FGF1: variants seen among roughly 807,000 people sequenced by gnomAD.
FGF1 encodes beta-endothelial cell growth factor.
In FGF1, 9 loss-of-function variants were observed where a neutral mutation model predicts 13.4. That is an observed-to-expected ratio of 0.67 (90% confidence interval 0.40 to 1.17). FGF1 has a LOEUF of 1.17. Ranked by LOEUF, FGF1 falls within the 50% of genes most tolerant of loss-of-function variation. The probability of loss-of-function intolerance (pLI) is 0.01; values close to 1 mark genes in which losing one functional copy is unlikely to be tolerated. For synonymous variants in FGF1, 93 were observed against 79.0 expected (o/e 1.18, Z -0.94); for missense variants, 156 against 192.7 (o/e 0.81, Z 1.13).
intron 2 of FGF1, among the ~76,000 whole-genome samples, chr5:142,693,583 G>C (rs1752586601): frequency 6.6e-6 from 1 of 152,166 alleles, no homozygotes; most frequent in Non-Finnish European, 1.5e-5. Context: ...GTACAATTAA[G>C]TGGTTTTGGT....
intron 1 of FGF1, among the ~76,000 whole-genome samples, chr5:142,650,736 A>G (rs555036806): frequency 6.6e-6 from 1 of 152,172 alleles, no homozygotes; most frequent in South Asian, 2.1e-4. Context: ...GCAGTAGTTA[A>G]AGTAGCTGGA....
intron 1 of FGF1, among the ~76,000 whole-genome samples, chr5:142,634,431 C>T (rs1763919861): frequency 6.6e-6 from 1 of 152,212 alleles, no homozygotes; most frequent in Non-Finnish European, 1.5e-5. Context: ...TGAATTCTTG[C>T]TCACTTAGCA....
intron 1 of FGF1, among the ~76,000 whole-genome samples, chr5:142,645,328 G>A (rs1478247848): frequency 5.3e-5 from 8 of 152,114 alleles, no homozygotes; most frequent in East Asian, 1.9e-4. Flanking sequence ...CTCATCACAC[G>A]GCACCTCACT....
chr5:142,695,317 G>A (rs1435546849), intron 2 of FGF1, among the ~76,000 whole-genome samples: 1 of 152,190 alleles, frequency 6.6e-6, no homozygotes, highest in Non-Finnish European at 1.5e-5. Flanking sequence ...GCTTATGCCT[G>A]TAATCCCAGC....
intron 1 of FGF1, among the ~76,000 whole-genome samples, chr5:142,618,519 C>T (rs1279513388): frequency 4.6e-5 from 7 of 152,136 alleles, no homozygotes; most frequent in Non-Finnish European, 8.8e-5. Context: ...ATGTTGAACT[C>T]GTTGGAGCCT....
chr5:142,614,468 G>C lies in FGF1; in HGVS notation c.-34-307C>G, dbSNP rs962500297. Among the ~76,000 whole-genome samples, 8 of 152,188 alleles carry C rather than the reference G, an allele frequency of 5.3e-5. No homozygotes were observed. The East Asian group carries it at 1.5e-3, about 29-fold the overall frequency. On this transcript the variant is annotated intron_variant, in intron 1 of 3. Transcript: ENST00000337706. Reference sequence around the variant, plus strand: ...ACCATGGGGAAAAGAATCATGTTTTGGTCCCTCCTTCTGGTCCACACACAT... The same window carrying C: ...ACCATGGGGAAAAGAATCATGTTTTCGTCCCTCCTTCTGGTCCACACACAT...
chr5:142,667,826 A>G (rs1384651755), intron 1 of FGF1, among the ~76,000 whole-genome samples: 2 of 152,126 alleles, frequency 1.3e-5, no homozygotes, highest in African/African-American at 2.4e-5. Flanking sequence ...TGTCTTGTTC[A>G]TGCCCTGGAA....
At chr5:142,623,911 G>T (rs1414112586) in intron 1 of FGF1, among the ~76,000 whole-genome samples, 2 of 151,784 alleles carry the variant, frequency 1.3e-5, no homozygotes, top group Non-Finnish European at 2.9e-5. Context: ...ACCATGCCTG[G>T]TTAACTTTTT....
At chr5:142,604,207 G>C (rs1398886073) in intron 2 of FGF1, among the ~76,000 whole-genome samples, 1 of 152,196 alleles carries the variant, frequency 6.6e-6, no homozygotes, top group South Asian at 2.1e-4. Flanking sequence ...CTGTTAAGTT[G>C]TAAGAAAATC....
At chr5:142,623,221 C>T (rs150886069) in intron 1 of FGF1, among the ~76,000 whole-genome samples, 2 of 152,302 alleles carry the variant, frequency 1.3e-5, no homozygotes, top group East Asian at 1.9e-4. Context: ...CCAGTTTCCT[C>T]ATCTGCAAAA....
Position 142,592,272 on chromosome 5 carries a change from G to A in FGF1, c.*3018C>T, listed in dbSNP as rs1754402949. 5.0e-6 allele frequency: 2 copies of A among 398,326 alleles called. No individual in the cohort carries two copies. The highest frequency in any genetic ancestry group is 8.9e-6 in the Non-Finnish European group (2 of 225,918). 24.7% of individuals were successfully genotyped at this position (398,326 alleles called of 1,614,324 possible). On this transcript the variant is annotated 3_prime_UTR_variant, in exon 4 of 4. Coordinates refer to ENST00000337706, the MANE Select transcript of FGF1 (RefSeq NM_000800.5). Reference sequence around the variant, plus strand: ...TGAAATAACAGGCATCTTCATCAGAGGTCTGCTTTGCAGCCTGTGAGTTTA... The same window carrying A: ...TGAAATAACAGGCATCTTCATCAGAAGTCTGCTTTGCAGCCTGTGAGTTTA...
In FGF1 at chr5:142,640,708, A is replaced by G. The variant is rs530106608; in HGVS notation, c.-34-26547T>C. 8.8e-4 allele frequency among the ~76,000 whole-genome samples: 134 copies of G among 152,110 alleles called. 2 individuals carry two copies. The highest frequency in any genetic ancestry group is 3.4e-3 in the Middle Eastern group (1 of 294). ...AAGTCAAATGCTTCTCAGAGAACCAATGCTGCCTCCATCTGAACCTGTCCT... is the reference window on the plus strand; with the variant it reads ...AAGTCAAATGCTTCTCAGAGAACCAGTGCTGCCTCCATCTGAACCTGTCCT... On this transcript the variant is annotated intron_variant, in intron 1 of 3. Transcript: ENST00000337706.
chr5:142,640,426 T>TC (rs1478301505), intron 1 of FGF1, among the ~76,000 whole-genome samples: 1 of 71,016 alleles, frequency 1.4e-5, no homozygotes, highest in African/African-American at 5.4e-5. Context: ...TGGAGTATGG[T>TC]GGGGGGGGGG....
intron 1 of FGF1, among the ~76,000 whole-genome samples, chr5:142,677,467 C>T (rs1772839719): frequency 6.6e-6 from 1 of 152,170 alleles, no homozygotes; most frequent in Non-Finnish European, 1.5e-5. Flanking sequence ...TCCAGGCTTC[C>T]GAAGTGAGTT....
At chr5:142,633,478 G>A (rs916969338) in intron 1 of FGF1, among the ~76,000 whole-genome samples, 2 of 152,200 alleles carry the variant, frequency 1.3e-5, no homozygotes, top group African/African-American at 2.4e-5. Context: ...TGACTTTGGT[G>A]TCAAAATCTC....
chr5:142,691,189 C>T (rs936938550), intron 2 of FGF1, among the ~76,000 whole-genome samples: 6 of 151,920 alleles, frequency 3.9e-5, no homozygotes, highest in South Asian at 2.1e-4. Flanking sequence ...GGGAGGCCGA[C>T]GCGGGTGGAT....
At chr5:142,657,789 T>G (rs1384792509) in intron 1 of FGF1, among the ~76,000 whole-genome samples, 3 of 152,204 alleles carry the variant, frequency 2.0e-5, no homozygotes, top group Admixed American at 6.5e-5. Flanking sequence ...CCCCTCTGGT[T>G]TCAATAATAA....
At chr5:142,618,586 G>C (rs1408382828) in intron 1 of FGF1, among the ~76,000 whole-genome samples, 1 of 152,112 alleles carries the variant, frequency 6.6e-6, no homozygotes, top group African/African-American at 2.4e-5. Context: ...TTTTTAATTG[G>C]TTTGAAAATA....
chr5:142,597,440 A>C (rs182820532), intron 3 of FGF1, among the ~76,000 whole-genome samples: 1 of 152,328 alleles, frequency 6.6e-6, no homozygotes, highest in East Asian at 1.9e-4. Context: ...GTTGAAAATC[A>C]GCCACAACGT....
Sources: allele counts gnomAD v4.1 joint callset (sites outside exome capture counted in the v4.1 genomes callset), GRCh38; gene constraint gnomAD v4.1.1; transcripts MANE v1.5; gene names NCBI Gene and HGNC (gene_info 2026-07-23, HGNC 2026-07-21).